Variants in CDH3 observed in about 807,000 individuals in gnomAD.
CDH3 encodes the protein cadherin 3, also known as cadherin-3.
Under a neutral mutation model 82.0 loss-of-function variants are expected in CDH3, and 54 were observed. That is an observed-to-expected ratio of 0.66 (90% CI 0.53 to 0.83). The LOEUF is 0.83. Among genes scored for constraint, CDH3 ranks in the 40% least tolerant of loss-of-function variants. The pLI, the probability that CDH3 is intolerant of heterozygous loss-of-function variation, is 0.00. For missense variants in CDH3, 1,054 were observed against 1,084.6 expected, an observed-to-expected ratio of 0.97 and a Z score of 0.40; for synonymous variants, 446 against 437.9, an observed-to-expected ratio of 1.02 and a Z score of -0.23.
Position 68,682,413 on chromosome 16 carries a change from G to A in CDH3, c.1108G>A (p.Gly370Ser). 2 of 1,614,118 alleles carry A rather than the reference G, an allele frequency of 1.2e-6. No homozygotes were observed. Among genetic ancestry groups the A allele is most frequent in the Non-Finnish European group, 1.7e-6 (2 of 1,180,040 alleles). The change falls in exon 9 of 16, where the codon GGC becomes AGC. Residue 370 changes from glycine (G) to serine (S), a missense_variant. Transcript: ENST00000264012. ...GTGGCGTGCCACCTACCTTATCATG[G>A]GCGGTGACGACGGGGACCATTTTAC... ...PAWRATYLIM[G>S]GDDGDHFTIT... is the part of the protein sequence containing the mutation.
At chr16:68,663,831 T>C (rs1209918521) in intron 2 of CDH3, among the ~76,000 whole-genome samples, 2 of 152,066 alleles carry the variant, frequency 1.3e-5, no homozygotes, top group African/African-American at 4.8e-5. Context: ...TTTATTTTAT[T>C]ATACTTTAAG....
rs368455108 is a variant in CDH3 at position 68,664,861 on chromosome 16, G to T, written c.161-11524G>T. On this transcript the variant is annotated intron_variant, in intron 2 of 15. Coordinates refer to ENST00000264012, the MANE Select transcript of CDH3 (RefSeq NM_001793.6). ...GATGGGGTTTCGCCATGTTGCCCAG[G>T]CTGGTCTCAAACTCCTGGACTTAAG... is the stretch of plus-strand genomic sequence containing the variant. Among the ~76,000 whole-genome samples the T allele has an allele frequency of 2.4e-4, 37 of 152,046 alleles. No homozygotes were observed. The East Asian group carries it at 7.2e-3, about 30-fold the overall frequency.
chr16:68,666,199 G>A lies in CDH3; in HGVS notation c.161-10186G>A, dbSNP rs537855534. ...CTGGGTCAGAGAAGGGCTGCAAGCT[G>A]AGGCCCTCACACACCCCGTCAGCCC... is the stretch of plus-strand genomic sequence containing the variant. On this transcript the variant is annotated intron_variant, in intron 2 of 15. Transcript: ENST00000264012. 7.2e-5 allele frequency among the ~76,000 whole-genome samples: 11 copies of A among 151,888 alleles called. No homozygotes were observed. The East Asian group carries it at 1.9e-3, about 27-fold the overall frequency.
At chr16:68,691,514 T>C (rs1961573266) in intron 12 of CDH3, among the ~76,000 whole-genome samples, 1 of 152,200 alleles carries the variant, frequency 6.6e-6, no homozygotes, top group Non-Finnish European at 1.5e-5. Flanking sequence ...GACAAATTAA[T>C]TTTTCTATCC....
In CDH3 at chr16:68,710,163, GGGCTGGGTTTGGCACT is replaced by G. The variant is rs531350217; in HGVS notation, c.100-12256_100-12241del. Among the ~76,000 whole-genome samples the G allele has an allele frequency of 9.9e-3, 1,509 of 152,318 alleles. 29 individuals are homozygous for G. The highest frequency in any genetic ancestry group is 0.034 in the African/African-American group (1,425 of 41,566). ...TCCCTCCGCCTGCTCCCTCCCTGCCGGGCTGGGTTTGGCACTGGCTGCGCTCTGCACCCTCTATGGC... is the reference window on the plus strand; with the variant it reads ...TCCCTCCGCCTGCTCCCTCCCTGCCGGGCTGCGCTCTGCACCCTCTATGGC... On this transcript the variant is annotated intron_variant, in intron 1 of 2. Transcript: ENST00000569080.
At chr16:68,672,870 T>G (rs1477846903) in intron 2 of CDH3, among the ~76,000 whole-genome samples, 2 of 152,220 alleles carry the variant, frequency 1.3e-5, no homozygotes, top group Non-Finnish European at 1.5e-5. Context: ...GGCCAGTGTC[T>G]TAACTTCCTT....
At chr16:68,722,687 AG>A (rs1962177747) in intron 2 of CDH3, 1 of 152,238 alleles carries the variant, frequency 6.6e-6, no homozygotes. Flanking sequence ...TTACACCCCC[AG>A]AGACCCAGGA....
At chr16:68,646,999 A>ACT (rs3049697) in intron 2 of CDH3, among the ~76,000 whole-genome samples, 117,939 of 151,842 alleles carry the variant, frequency 0.78, 45,995 homozygotes, top group South Asian at 0.79. Flanking sequence ...TCTGCAAATA[A>ACT]CTGCAGATTG....
At chr16:68,651,572 C>T (rs543931297) in intron 2 of CDH3, 71 of 486,078 alleles carry the variant, frequency 1.5e-4, no homozygotes, top group African/African-American at 1.0e-3. Context: ...TGGCCTTCCC[C>T]GCCAGGGCAA....
rs113679101 is a variant in CDH3 at position 68,658,062 on chromosome 16, CTT to C, written c.160+12331_160+12332del. On this transcript the variant is annotated intron_variant, in intron 2 of 15. Transcript: ENST00000264012. ...CCCATATCTCCCAGTCTTTTTCTTT[CTT>C]TTTTTTTTTTTTTTTTTTAGAGACA... 8.4e-3 allele frequency among the ~76,000 whole-genome samples: 1,065 copies of C among 126,098 alleles called. 9 individuals carry two copies. Among genetic ancestry groups the C allele is most frequent in the African/African-American group, 0.023 (800 of 34,430 alleles). The allele number at this position is 126,098 out of a possible 152,430, so 82.7% of individuals were successfully genotyped here. A position where few individuals can be genotyped will look rare whatever the true frequency, so the allele number is the denominator to read the frequency against.
chr16:68,686,509 AACAGT>A (rs1961417150), intron 11 of CDH3: 1 of 1,133,340 alleles, frequency 8.8e-7, no homozygotes, highest in Non-Finnish European at 1.3e-6. Flanking sequence ...GTATTGCAGC[AACAGT>A]AGTTGCTGTT....
intron 8 of CDH3, among the ~76,000 whole-genome samples, chr16:68,681,362 T>C (rs536797343): frequency 3.3e-5 from 5 of 152,366 alleles, no homozygotes; most frequent in African/African-American, 1.2e-4. Context: ...AAGAAGTGCT[T>C]GATATGAAAA....
Position 68,684,727 on chromosome 16 carries a change from C to T in CDH3, c.1327C>T (p.Pro443Ser). 6.2e-7 allele frequency: 1 copy of T among 1,614,188 alleles called. No individual in the cohort carries two copies. Among genetic ancestry groups the T allele is most frequent in the Non-Finnish European group, 8.5e-7 (1 of 1,180,042 alleles). The change falls in exon 10 of 16, where the codon CCC becomes TCC. Residue 443 changes from proline to serine, a missense_variant. By Grantham distance (74) the Pro-to-Ser change is moderately conservative. Transcript: ENST00000264012. ...DVNEAPVFVPPSKVVEVQEGI... is the reference protein window; with the variant it reads ...DVNEAPVFVPSSKVVEVQEGI... ...GAATGAGGCACCTGTGTTTGTCCCA[C>T]CCTCCAAAGTCGTTGAGGTCCAGGA...
rs143773868 is a variant in CDH3, at chr16:68,723,684, A to G, written c.*45+1068A>G. ...GGTGGCTCACGCCTGTAATCTCAGCACTTTGGGAGGCCAAGGTGGGTGGAT... is the reference window on the plus strand; with the variant it reads ...GGTGGCTCACGCCTGTAATCTCAGCGCTTTGGGAGGCCAAGGTGGGTGGAT... On this transcript the variant is annotated intron_variant, in intron 2 of 2. Coordinates refer to the CDH3 transcript ENST00000569080. 3.1e-3 allele frequency among the ~76,000 whole-genome samples: 467 copies of G among 152,258 alleles called. 4 individuals are homozygous for G. Among genetic ancestry groups the G allele is most frequent in the African/African-American group, 9.3e-3 (385 of 41,562 alleles).
Position 68,679,888 on chromosome 16 carries a change from G to T in CDH3, c.781G>T (p.Glu261Ter). ...GGTTGCTTACTCCATCCATAGCCAAGAACCAAAGGACCCACACGACCTCAT... is the reference window on the plus strand; with the variant it reads ...GGTTGCTTACTCCATCCATAGCCAATAACCAAAGGACCCACACGACCTCAT... ...GVVAYSIHSQ[E>*]PKDPHDLMFT... is the part of the protein sequence containing the mutation. Residue 261 changes from glutamate to a stop codon, truncating the protein, a stop_gained, in exon 7 of 16, where the codon GAA (glutamate) becomes TAA (stop). Coordinates refer to ENST00000264012, the MANE Select transcript of CDH3 (RefSeq NM_001793.6). LOFTEE classifies it high-confidence loss of function. The T allele has an allele frequency of 6.2e-7, 1 of 1,613,992 alleles. No homozygotes were observed. Among genetic ancestry groups the T allele is most frequent in the Non-Finnish European group, 8.5e-7 (1 of 1,179,948 alleles).
At chr16:68,696,608 T>A (rs1025993035) in intron 15 of CDH3, 1 of 161,966 alleles carries the variant, frequency 6.2e-6, no homozygotes, top group African/African-American at 2.4e-5. Flanking sequence ...CTGTAGTGAA[T>A]GCCGAGAATG....
chr16:68,669,896 G>C (rs1960839080), intron 2 of CDH3, among the ~76,000 whole-genome samples: 2 of 151,678 alleles, frequency 1.3e-5, no homozygotes. Context: ...AGGTGGGAGG[G>C]TCACTTGTGC....
chr16:68,687,948 G>A (rs968050536), intron 12 of CDH3, among the ~76,000 whole-genome samples: 8 of 151,028 alleles, frequency 5.3e-5, no homozygotes, highest in Admixed American at 3.3e-4. Context: ...TAGCCCAACC[G>A]CCTTCCTGTG....
intron 6 of CDH3, among the ~76,000 whole-genome samples, chr16:68,679,169 A>G (rs1961130804): frequency 6.6e-6 from 1 of 152,222 alleles, no homozygotes. Flanking sequence ...AGCTTCAAAG[A>G]CCTAGATTTG....
Sources: gnomAD v4.1 joint callset for allele counts (sites outside exome capture counted in the v4.1 genomes callset) on GRCh38, gnomAD v4.1.1 for gene constraint, MANE v1.5 for transcripts, NCBI Gene and HGNC (gene_info 2026-07-23, HGNC 2026-07-21) for gene names.